The following DOCK5 variants were observed in gnomAD, a reference collection of about 807,000 sequenced individuals.
The protein encoded by DOCK5 is dedicator of cytokinesis protein 5.
DOCK5 carries 142 observed loss-of-function variants against 251.8 expected under a neutral mutation model. The observed-to-expected ratio is 0.56, with a 90% CI of 0.49 to 0.65. The LOEUF (loss-of-function observed/expected upper bound fraction) is 0.65. Among genes scored for constraint, DOCK5 ranks in the 30% least tolerant of loss-of-function variants. DOCK5 has a pLI of 0.00. For missense variants in DOCK5, 2,111 were observed against 2,312.3 expected (o/e 0.91, Z 1.79); for synonymous variants, 842 against 835.5 (o/e 1.01, Z -0.13).
chr8:25,374,669 GA>G lies in DOCK5; in HGVS notation c.3816+16del. The G allele has an allele frequency of 6.2e-7, 1 of 1,613,784 alleles. No homozygotes were observed. The highest frequency in any genetic ancestry group is 8.5e-7 in the Non-Finnish European group (1 of 1,179,796). On this transcript the variant is annotated intron_variant, in intron 37 of 51. Coordinates refer to ENST00000276440, the MANE Select transcript of DOCK5 (RefSeq NM_024940.8). ...AGCTTCTGCAGGTGAATGGCTCAGA[GA>G]GCTTGTTTCAACAGGGTGGAGTACA...
chr8:25,410,037 A>T, intron 50 of DOCK5, 62 bp from the exon 51 acceptor site: 1 of 1,426,174 alleles, frequency 7.0e-7, no homozygotes, highest in Non-Finnish European at 9.7e-7. Flanking sequence ...TGCCAGCAAC[A>T]TTTCCATGAG....
At chr8:25,307,114 T>C (rs1004264229) in intron 11 of DOCK5, among the ~76,000 whole-genome samples, 1 of 152,080 alleles carries the variant, frequency 6.6e-6, no homozygotes, top group African/African-American at 2.4e-5. Flanking sequence ...TTCAGCTCCA[T>C]TAATAATCTT....
chr8:25,239,266 C>T (rs1352741356), intron 1 of DOCK5, among the ~76,000 whole-genome samples: 1 of 151,636 alleles, frequency 6.6e-6, no homozygotes, highest in Non-Finnish European at 1.5e-5. Flanking sequence ...TATTTTGGGT[C>T]AGGCTTAGAG....
At chr8:25,233,795 TAGTA>T (rs1329917169) in intron 1 of DOCK5, among the ~76,000 whole-genome samples, 1 of 152,240 alleles carries the variant, frequency 6.6e-6, no homozygotes, top group Admixed American at 6.5e-5. Context: ...TATAAGTACA[TAGTA>T]GGTGTATATA....
intron 41 of DOCK5, 75 bp downstream of exon 41, chr8:25,389,307 G>A: frequency 2.6e-6 from 4 of 1,540,372 alleles, no homozygotes; most frequent in Non-Finnish European, 2.6e-6. Context: ...AGAGAACATA[G>A]GAGCTACAGT....
intron 1 of DOCK5, among the ~76,000 whole-genome samples, chr8:25,224,825 TG>T (rs1802488108): frequency 6.6e-6 from 1 of 152,250 alleles, no homozygotes. Context: ...ACCTCTGCTC[TG>T]GGCCACCCTG....
chr8:25,231,734 G>A (rs1026436409), intron 1 of DOCK5, among the ~76,000 whole-genome samples: 4 of 152,166 alleles, frequency 2.6e-5, no homozygotes, highest in East Asian at 3.9e-4. Context: ...GAAATAGAGC[G>A]ATTCAAGCAG....
intron 18 of DOCK5, among the ~76,000 whole-genome samples, chr8:25,329,740 G>C (rs1408375512): frequency 6.6e-6 from 1 of 151,982 alleles, no homozygotes; most frequent in Non-Finnish European, 1.5e-5. Context: ...GCTTATGATA[G>C]CAAAAAAACT....
chr8:25,399,466 G>A (rs772840583), intron 45 of DOCK5, among the ~76,000 whole-genome samples: 11 of 152,234 alleles, frequency 7.2e-5, no homozygotes, highest in Non-Finnish European at 1.0e-4. Context: ...TATAGCCAAT[G>A]TCACGGGACG....
At chr8:25,361,182 G>A (rs1328367808) in intron 28 of DOCK5, among the ~76,000 whole-genome samples, 2 of 152,154 alleles carry the variant, frequency 1.3e-5, no homozygotes, top group Admixed American at 6.5e-5. Context: ...AGATTTCCAG[G>A]AGTTAAATAG....
At chr8:25,392,009 G>A in intron 43 of DOCK5, 29 bp downstream of exon 43, 1 of 1,607,394 alleles carries the variant, frequency 6.2e-7, no homozygotes, top group Non-Finnish European at 8.5e-7. Flanking sequence ...TCCTTTAAGA[G>A]GTAAAATTAA....
At chr8:25,226,617 G>T (rs569831114) in intron 1 of DOCK5, among the ~76,000 whole-genome samples, 2 of 144,922 alleles carry the variant, frequency 1.4e-5, no homozygotes, top group Non-Finnish European at 3.0e-5. Flanking sequence ...AGAGAGTCTC[G>T]CTGTGTTCCC....
intron 49 of DOCK5, among the ~76,000 whole-genome samples, chr8:25,408,494 T>C (rs1362590828): frequency 2.0e-5 from 3 of 152,164 alleles, no homozygotes; most frequent in Non-Finnish European, 4.4e-5. Context: ...TTTCCTTCCA[T>C]ATCAAGTTGT....
At chr8:25,339,474 G>C (rs546950515) in intron 22 of DOCK5, among the ~76,000 whole-genome samples, 2 of 152,292 alleles carry the variant, frequency 1.3e-5, no homozygotes, top group East Asian at 3.9e-4. Context: ...AAGGAGTAAA[G>C]AAATCAACCC....
chr8:25,292,152 C>G lies in DOCK5; in HGVS notation c.450C>G (p.Ala150=). ...ELAELKKKVT[A]KIDHGNRMLG... ...CAGAGCTCAAGAAGAAAGTCACAGC[C>G]AAAATTGATCATGGGAACAGGTAGG... is the stretch of plus-strand genomic sequence containing the variant. The change falls in exon 6 of 52, where the codon GCC becomes GCG. Residue 150 remains alanine, a synonymous_variant. Transcript: ENST00000276440. 6 of 1,579,114 alleles carry G rather than the reference C, an allele frequency of 3.8e-6. No homozygotes were observed. The highest frequency in any genetic ancestry group is 4.3e-6 in the Non-Finnish European group (5 of 1,164,382).
In DOCK5 at chr8:25,368,692, G is replaced by C; in HGVS notation, c.3405G>C (p.Glu1135Asp). The change falls in exon 33 of 52, where the codon GAG (glutamate) becomes GAC (aspartate). Residue 1135 changes from glutamate (E) to aspartate (D), a missense_variant. Physicochemically the swap from Glu to Asp is conservative, Grantham distance 45. Coordinates refer to ENST00000276440, the MANE Select transcript of DOCK5 (RefSeq NM_024940.8). ...IPIFFDMMQC[E>D]FNFSGNGNFH... ...TTTTCTTTGATATGATGCAGTGTGA[G>C]TTCAATTTCAGTGGAAATGGCAATT... 1.2e-6 allele frequency: 2 copies of C among 1,613,478 alleles called. No homozygotes were observed. Among genetic ancestry groups the C allele is most frequent in the Non-Finnish European group, 8.5e-7 (1 of 1,179,728 alleles).
At chr8:25,381,074 T>C (rs1272503129) in intron 39 of DOCK5, among the ~76,000 whole-genome samples, 3 of 151,562 alleles carry the variant, frequency 2.0e-5, no homozygotes, top group Non-Finnish European at 2.9e-5. Context: ...ACAGCCACTC[T>C]TCTGAATGCC....
Position 25,374,656 on chromosome 8 carries a change from T to A in DOCK5, c.3816+2T>A. The A allele has an allele frequency of 6.2e-7, 1 of 1,613,838 alleles. No homozygotes were observed. Among genetic ancestry groups the A allele is most frequent in the Non-Finnish European group, 8.5e-7 (1 of 1,179,824 alleles). On this transcript the variant is annotated splice_donor_variant, in intron 37 of 51. Transcript: ENST00000276440. LOFTEE classifies it high-confidence loss of function. ...CTCTTGCACGCTGAGCTTCTGCAGG[T>A]GAATGGCTCAGAGAGCTTGTTTCAA...
At chr8:25,377,211 A>T in intron 37 of DOCK5, 94 bp from the exon 38 acceptor site, 2 of 1,426,790 alleles carry the variant, frequency 1.4e-6, no homozygotes, top group Non-Finnish European at 1.8e-6. Context: ...TAAAATACAA[A>T]ATCAATGAGT....
Sources: gnomAD v4.1 joint callset for allele counts (sites outside exome capture counted in the v4.1 genomes callset) on GRCh38, gnomAD v4.1.1 for gene constraint, MANE v1.5 for transcripts, NCBI Gene and HGNC (gene_info 2026-07-23, HGNC 2026-07-21) for gene names.